The following SYNRG variants were observed in gnomAD, a reference collection of about 807,000 sequenced individuals.
SYNRG encodes synergin gamma, also known as AP1 gamma subunit binding protein 1.
In SYNRG, 37 loss-of-function variants were observed where a neutral mutation model predicts 130.9. The ratio of observed to expected loss-of-function variants is 0.28; its 90% CI spans 0.22 to 0.37. SYNRG has a LOEUF of 0.37. Among genes scored for constraint, SYNRG ranks in the 10% least tolerant of loss-of-function variants. SYNRG has a pLI of 1.00. For synonymous variants in SYNRG, 539 were observed against 568.1 expected (o/e 0.95, Z 0.73); for missense variants, 1,338 against 1,588.9 (o/e 0.84, Z 2.68).
intron 14 of SYNRG, among the ~76,000 whole-genome samples, chr17:37,551,153 A>G (rs2058679452): frequency 6.6e-6 from 1 of 152,204 alleles, no homozygotes; most frequent in South Asian, 2.1e-4. Context: ...TTATTTCTCC[A>G]ACAAGAAGTA....
chr17:37,563,902 T>C (rs1327559023), intron 11 of SYNRG, among the ~76,000 whole-genome samples: 1 of 151,530 alleles, frequency 6.6e-6, no homozygotes, highest in Non-Finnish European at 1.5e-5. Flanking sequence ...AGGAGTGCAG[T>C]GGCGTGATCT....
chr17:37,609,053 C>T (rs867067116), intron 1 of SYNRG, among the ~76,000 whole-genome samples: 7 of 151,628 alleles, frequency 4.6e-5, no homozygotes, highest in African/African-American at 1.2e-4. Context: ...GCTCGCTCCC[C>T]GCTCGATTCC....
intron 11 of SYNRG, chr17:37,567,064 T>A (rs1354928966): frequency 6.6e-6 from 1 of 152,266 alleles, no homozygotes; most frequent in East Asian, 1.9e-4. Flanking sequence ...AGCTGATTTC[T>A]GAAATGGAAC....
Position 37,515,633 on chromosome 17 carries a change from A to AT in SYNRG, c.*3306dup. On this transcript the variant is annotated 3_prime_UTR_variant, in exon 22 of 22. Transcript: ENST00000612223. ...GCCACCATGCCCAGCTAATTTTTGT[A>AT]TTTTTAGTAGAGACAGGGTCTCGCC... 6.6e-6 allele frequency: 1 copy of AT among 152,264 alleles called. No individual in the cohort carries two copies. Among genetic ancestry groups the AT allele is most frequent in the Middle Eastern group, 3.4e-3 (1 of 294 alleles). The allele number at this position is 152,264 out of a possible 1,614,324, so 9.4% of individuals were successfully genotyped here.
chr17:37,536,158 T>C, intron 18 of SYNRG, 31 bp from the exon 19 acceptor site: 1 of 1,584,278 alleles, frequency 6.3e-7, no homozygotes, highest in Non-Finnish European at 8.6e-7. Context: ...AGAGAGAGTG[T>C]TGGCAGTGGA....
At chr17:37,569,333 C>T (rs893084147) in intron 10 of SYNRG, among the ~76,000 whole-genome samples, 1 of 151,650 alleles carries the variant, frequency 6.6e-6, no homozygotes, top group African/African-American at 2.4e-5. Context: ...TCACTTGAAC[C>T]CAGGAGGCAG....
rs2054425584 is a variant in SYNRG, at chr17:37,516,352, T to C, written c.*2588A>G. 1 of 152,238 alleles carries C rather than the reference T, an allele frequency of 6.6e-6. No individual in the cohort carries two copies. Among genetic ancestry groups the C allele is most frequent in the Non-Finnish European group, 1.5e-5 (1 of 68,042 alleles). 9.4% of individuals were successfully genotyped at this position (152,238 alleles called of 1,614,324 possible). The stretch of plus-strand genomic sequence containing the variant: ...CCTATTGGTGGCATCTAATTAAACA[T>C]TTCAAGTATTCAAGAGATATGAAAG... On this transcript the variant is annotated 3_prime_UTR_variant, in exon 22 of 22. Transcript: ENST00000612223.
At chr17:37,579,173 T>G (rs2061086776) in intron 6 of SYNRG, 1 of 1,213,798 alleles carries the variant, frequency 8.2e-7, no homozygotes, top group African/African-American at 1.6e-5. Context: ...AGTAGAGAAG[T>G]AAGGAATTTG....
intron 3 of SYNRG, among the ~76,000 whole-genome samples, chr17:37,591,368 T>C (rs1241788164): frequency 1.3e-5 from 2 of 152,232 alleles, no homozygotes; most frequent in African/African-American, 4.8e-5. Context: ...CATCTCATAT[T>C]GATATGTTGG....
chr17:37,561,145 T>C, intron 13 of SYNRG, 50 bp downstream of exon 13: 1 of 1,532,292 alleles, frequency 6.5e-7, no homozygotes, highest in Non-Finnish European at 9.0e-7. Flanking sequence ...AAAACCCCTT[T>C]TTTATTAAAA....
chr17:37,584,917 G>A (rs1357698326), intron 5 of SYNRG, among the ~76,000 whole-genome samples, 158 bp from the exon 6 acceptor site: 1 of 152,174 alleles, frequency 6.6e-6, no homozygotes, highest in Non-Finnish European at 1.5e-5. Flanking sequence ...ATTGGTAAAT[G>A]ATTAAACAAT....
At chr17:37,584,901 C>G (rs533219382) in intron 5 of SYNRG, 142 bp from the exon 6 acceptor site, 3 of 621,384 alleles carry the variant, frequency 4.8e-6, no homozygotes, top group Non-Finnish European at 8.2e-6. Flanking sequence ...TCCAAGTCAG[C>G]AAGACATTGG....
At chr17:37,519,351 A>G (rs575374385) in intron 21 of SYNRG, among the ~76,000 whole-genome samples, 117 of 152,248 alleles carry the variant, frequency 7.7e-4, no homozygotes, top group Non-Finnish European at 1.1e-3. Context: ...GAGGGGGGGA[A>G]TCATGATAAG....
chr17:37,596,346 T>C lies in SYNRG; in HGVS notation c.119-2A>G. ...GTTGCTGCATCGGCATCAGGCCTGCTGAAAATATAAAGACATTATTAAAGT... is the reference window on the plus strand; with the variant it reads ...GTTGCTGCATCGGCATCAGGCCTGCCGAAAATATAAAGACATTATTAAAGT... On this transcript the variant is annotated splice_acceptor_variant, in intron 2 of 21. Coordinates refer to ENST00000612223, the MANE Select transcript of SYNRG (RefSeq NM_007247.6). LOFTEE classifies it high-confidence loss of function. 8.7e-6 allele frequency: 14 copies of C among 1,613,694 alleles called. No individual in the cohort carries two copies. The highest frequency in any genetic ancestry group is 1.1e-5 in the Non-Finnish European group (13 of 1,179,876).
At chr17:37,583,411 T>C (rs2061477309) in intron 6 of SYNRG, among the ~76,000 whole-genome samples, 1 of 152,198 alleles carries the variant, frequency 6.6e-6, no homozygotes, top group African/African-American at 2.4e-5. Context: ...ATATTTTATT[T>C]TGGGGCATAC....
At chr17:37,603,298 G>GT (rs538321985) in intron 1 of SYNRG, among the ~76,000 whole-genome samples, 2 of 152,058 alleles carry the variant, frequency 1.3e-5, no homozygotes, top group African/African-American at 2.4e-5. Flanking sequence ...GAGCCCATGA[G>GT]TTTGAGACCA....
At chr17:37,581,919 C>A (rs537975048) in intron 6 of SYNRG, among the ~76,000 whole-genome samples, 1 of 152,044 alleles carries the variant, frequency 6.6e-6, no homozygotes, top group Non-Finnish European at 1.5e-5. Context: ...CATGCGCCAC[C>A]ACACCTGGCT....
At chr17:37,599,311 T>A (rs138682799) in intron 2 of SYNRG, among the ~76,000 whole-genome samples, 106 of 152,328 alleles carry the variant, frequency 7.0e-4, no homozygotes, top group African/African-American at 2.5e-3. Flanking sequence ...GCAGCATGGG[T>A]CAAAATTATA....
intron 3 of SYNRG, among the ~76,000 whole-genome samples, chr17:37,589,888 A>G (rs2062008311): frequency 6.9e-6 from 1 of 145,712 alleles, no homozygotes; most frequent in Non-Finnish European, 1.5e-5. Flanking sequence ...TTGAAAAGAC[A>G]GGCCGGGCGC....
Sources: allele counts gnomAD v4.1 joint callset (sites outside exome capture counted in the v4.1 genomes callset), GRCh38; gene constraint gnomAD v4.1.1; transcripts MANE v1.5; gene names NCBI Gene and HGNC (gene_info 2026-07-23, HGNC 2026-07-21).